LRRN4: variants seen among roughly 807,000 people sequenced by gnomAD.
The protein encoded by LRRN4 is leucine rich repeat neuronal 4.
Under a neutral mutation model 22.3 loss-of-function variants are expected in LRRN4, and 26 were observed. The ratio of observed to expected loss-of-function variants is 1.16; its 90% CI spans 0.85 to 1.62. The LOEUF (loss-of-function observed/expected upper bound fraction) is 1.62. Among genes scored for constraint, LRRN4 ranks in the 40% most tolerant of loss-of-function variants. The probability of loss-of-function intolerance (pLI) is 0.00; values close to 1 mark genes in which losing one functional copy is unlikely to be tolerated. For missense variants in LRRN4, 1,070 were observed against 1,008.5 expected (o/e 1.06, Z -0.83); for synonymous variants, 496 against 486.2 (o/e 1.02, Z -0.26).
In LRRN4 at chr20:6,041,987, A is replaced by G. The variant is rs199648294; in HGVS notation, c.1258T>C (p.Trp420Arg). 13 of 1,613,998 alleles carry G rather than the reference A, an allele frequency of 8.1e-6. No homozygotes were observed. The East Asian group carries it at 2.9e-4, about 36-fold the overall frequency. Residue 420 changes from tryptophan to arginine, a missense_variant, in exon 5 of 5, where the codon TGG (tryptophan) becomes CGG (arginine). Transcript: ENST00000378858. The surrounding 1 kb of genome is among the most constrained non-coding windows in gnomAD (Gnocchi z 9.4). Reference sequence around the variant, plus strand: ...CCCTCCCGTGCATCGCTGTGCGGCCATGCAGCTATCGTGCGAGAGCCCACG... The same window carrying G: ...CCCTCCCGTGCATCGCTGTGCGGCCGTGCAGCTATCGTGCGAGAGCCCACG... ...PNVGSRTIAA[W>R]PHSDAREGTA... is the part of the protein sequence containing the mutation.
Position 6,041,663 on chromosome 20 carries a change from T to C in LRRN4, c.1582A>G (p.Ser528Gly). Reference sequence around the variant, plus strand: ...TCCTTCCTCCCTTCCTCCTCCTCACTGTAGTCGTCCAGCAGCAAGACTGGA... The same window carrying C: ...TCCTTCCTCCCTTCCTCCTCCTCACCGTAGTCGTCCAGCAGCAAGACTGGA... Reference protein sequence around the residue: ...EIPVLLLDDYSEEEEGRKEEV... With the variant: ...EIPVLLLDDYGEEEEGRKEEV... Residue 528 changes from serine to glycine, a missense_variant, in exon 5 of 5, where the codon AGT becomes GGT. Transcript: ENST00000378858. This position sits in a 1 kb window ranked among gnomAD's most constrained non-coding sequence, Gnocchi z 9.4. 6.2e-7 allele frequency: 1 copy of C among 1,611,330 alleles called. No homozygotes were observed. The highest frequency in any genetic ancestry group is 8.5e-7 in the Non-Finnish European group (1 of 1,178,484).
chr20:6,041,258 G>A lies in LRRN4; in HGVS notation c.1987C>T (p.Arg663Trp), dbSNP rs1486620716. ...AANRAGLSQP[R>W]SSGWRSPCAA... ...CACGGGCTCCTCCAGCCCGAAGACC[G>A]TGGCTGGCTCAAGCCCGCCCTGTTG... The change falls in exon 5 of 5, where the codon CGG (arginine) becomes TGG (tryptophan). Residue 663 changes from arginine to tryptophan, a missense_variant. Transcript: ENST00000378858. The surrounding 1 kb of genome is among the most constrained non-coding windows in gnomAD (Gnocchi z 9.4). 3 of 1,585,390 alleles carry A rather than the reference G, an allele frequency of 1.9e-6. No individual in the cohort carries two copies. The East Asian group carries it at 6.8e-5, about 36-fold the overall frequency.
rs1249133244 is a variant in LRRN4 at position 6,044,555 on chromosome 20, G to T, written c.986C>A (p.Thr329Asn). Residue 329 changes from threonine to asparagine, a missense_variant, in exon 4 of 5, where the codon ACT becomes AAT. Transcript: ENST00000378858. ...LSWLLTDAKR[T>N]VLSRAADTMC... ...GTAAATGTGTTACCTGCTTAGGACA[G>T]TTCTCTTTGCATCCGTGAGGAGCCA... is the stretch of plus-strand genomic sequence containing the variant. The T allele has an allele frequency of 6.3e-7, 1 of 1,581,618 alleles. No individual in the cohort carries two copies. Among genetic ancestry groups the T allele is most frequent in the Admixed American group, 1.8e-5 (1 of 55,180 alleles).
At position 6,047,257 on chromosome 20, in the gene LRRN4, C is replaced by A. The variant is rs1440750968; in HGVS notation, c.861-2577G>T. ...AGGGCCCTAGTGTGGAAGAAGTCTC[C>A]ATTTGCTCTCCTGAATAATTTCTAT... On this transcript the variant is annotated intron_variant, in intron 3 of 4. Transcript: ENST00000378858. Among the ~76,000 whole-genome samples, 3 of 152,088 alleles carry A rather than the reference C, an allele frequency of 2.0e-5. No individual in the cohort carries two copies. In the East Asian group the frequency reaches 5.8e-4, roughly 29 times the overall value.
In LRRN4 at chr20:6,041,973, A is replaced by T. The variant is rs548743423; in HGVS notation, c.1272T>A (p.Asp424Glu). The T allele has an allele frequency of 2.5e-6, 4 of 1,614,054 alleles. No homozygotes were observed. In the African/African-American group the frequency reaches 4.0e-5, roughly 16 times the overall value. ...SRTIAAWPHS[D>E]AREGTAPSTT... ...TGGAGGGGGCAGTCCCCTCCCGTGCATCGCTGTGCGGCCATGCAGCTATCG... is the reference window on the plus strand; with the variant it reads ...TGGAGGGGGCAGTCCCCTCCCGTGCTTCGCTGTGCGGCCATGCAGCTATCG... The change falls in exon 5 of 5, where the codon GAT (aspartate) becomes GAA (glutamate). Residue 424 changes from aspartate (D) to glutamate (E), a missense_variant. Transcript: ENST00000378858. This position sits in a 1 kb window ranked among gnomAD's most constrained non-coding sequence, Gnocchi z 9.4.
chr20:6,052,192 AG>A lies in LRRN4; in HGVS notation c.607del (p.Leu203TrpfsTer33). 1.3e-6 allele frequency: 2 copies of A among 1,597,160 alleles called. No individual in the cohort carries two copies. The highest frequency in any genetic ancestry group is 1.7e-6 in the Non-Finnish European group (2 of 1,172,952). ...GAGATCCAGGACTTCGAGCGTGACC[AG>A]GGGCGCGCCATCCTCTCCAGCGAAC... ...AAFAGEDGAP[L>X]VTLEVLDLSG... On this transcript the variant is annotated frameshift_variant, in exon 2 of 5. Coordinates refer to ENST00000378858, the MANE Select transcript of LRRN4 (RefSeq NM_152611.5). LOFTEE classifies it high-confidence loss of function.
chr20:6,050,165 T>A (rs1384823531), intron 3 of LRRN4, among the ~76,000 whole-genome samples: 5 of 152,110 alleles, frequency 3.3e-5, no homozygotes, highest in Non-Finnish European at 7.4e-5. Context: ...CTCAAAGGAG[T>A]CTGAGCCAGA....
Sources: allele counts gnomAD v4.1 joint callset (sites outside exome capture counted in the v4.1 genomes callset), GRCh38; gene constraint gnomAD v4.1.1; non-coding constraint Gnocchi (gnomAD v3.1); transcripts MANE v1.5; gene names NCBI Gene and HGNC (gene_info 2026-07-23, HGNC 2026-07-21).